The following WDR82 variants were observed in gnomAD, a reference collection of about 807,000 sequenced individuals.
The protein encoded by WDR82 is WD repeat-containing protein 82.
WDR82 carries 8 observed loss-of-function variants against 36.1 expected under a neutral mutation model. That is an observed-to-expected ratio of 0.22 (90% CI 0.13 to 0.40). WDR82 has a LOEUF of 0.40. WDR82 is among the 10% of genes least tolerant of loss of function. The pLI is 1.00. For synonymous variants in WDR82, 129 were observed against 137.8 expected, an observed-to-expected ratio of 0.94 and a Z score of 0.45; for missense variants, 185 against 400.5, an observed-to-expected ratio of 0.46 and a Z score of 4.59.
rs1357969653 is a variant in WDR82 at position 52,255,515 on chromosome 3, C to A, written c.*1975G>T. Reference sequence around the variant, plus strand: ...GTTCTTCCTCTCTGGGAAAGCAGAACTATACAGTGGGTGGCATCCTGCAGA... The same window carrying A: ...GTTCTTCCTCTCTGGGAAAGCAGAAATATACAGTGGGTGGCATCCTGCAGA... On this transcript the variant is annotated 3_prime_UTR_variant, in exon 9 of 9. Transcript: ENST00000296490. 1 of 152,030 alleles carries A rather than the reference C, an allele frequency of 6.6e-6. No individual in the cohort carries two copies. Among genetic ancestry groups the A allele is most frequent in the African/African-American group, 2.4e-5 (1 of 41,360 alleles). The allele number at this position is 152,030 out of a possible 1,614,324, so 9.4% of individuals were successfully genotyped here.
At chr3:52,270,543 A>G (rs1019026317) in intron 2 of WDR82, among the ~76,000 whole-genome samples, 169 bp downstream of exon 2, 1 of 152,242 alleles carries the variant, frequency 6.6e-6, no homozygotes, top group Non-Finnish European at 1.5e-5. Flanking sequence ...AAAAGTGCCA[A>G]TGGCTTGCTT....
intron 7 of WDR82, among the ~76,000 whole-genome samples, chr3:52,258,896 A>T (rs2107330260): frequency 6.6e-6 from 1 of 152,274 alleles, no homozygotes; most frequent in East Asian, 1.9e-4. Context: ...TTCTAACTTC[A>T]GTTTTCTCAT....
At chr3:52,270,665 T>G (rs781193623) in intron 2 of WDR82, 47 bp downstream of exon 2, 1 of 1,452,498 alleles carries the variant, frequency 6.9e-7, no homozygotes, top group Non-Finnish European at 9.5e-7. Flanking sequence ...CATGAACTAT[T>G]TAACAAAGGA....
Position 52,257,114 on chromosome 3 carries a change from T to C in WDR82, c.*376A>G, listed in dbSNP as rs898913163. 4 of 215,448 alleles carry C rather than the reference T, an allele frequency of 1.9e-5. No homozygotes were observed. Among genetic ancestry groups the C allele is most frequent in the Admixed American group, 1.7e-4 (3 of 17,774 alleles). The allele number at this position is 215,448 out of a possible 1,614,324, so 13.3% of individuals were successfully genotyped here. A position where few individuals can be genotyped will look rare whatever the true frequency, so the allele number is the denominator to read the frequency against. ...ACCAGGACTTTGGCTTCCCATGCAG[T>C]TGGAGGGTAGAAGGGATGTGCGGAA... is the stretch of plus-strand genomic sequence containing the variant. On this transcript the variant is annotated 3_prime_UTR_variant, in exon 9 of 9. Transcript: ENST00000296490.
At chr3:52,273,584 A>C (rs1276634724) in intron 1 of WDR82, among the ~76,000 whole-genome samples, 1 of 152,186 alleles carries the variant, frequency 6.6e-6, no homozygotes, top group Non-Finnish European at 1.5e-5. Flanking sequence ...TCCTGATAAC[A>C]GAAATCTACT....
intron 1 of WDR82, among the ~76,000 whole-genome samples, chr3:52,272,360 A>G (rs1248202470): frequency 2.6e-5 from 4 of 152,058 alleles, no homozygotes; most frequent in African/African-American, 9.7e-5. Flanking sequence ...CCTGGCCAAC[A>G]TGGCGAAACG....
In WDR82 at chr3:52,259,887, A is replaced by C. The variant is rs777300940; in HGVS notation, c.544-15T>G. ...GCAAATGGCCCCTGCAAAAGATAAAAAACAGTAGCCCCAGGCATATTAATA... is the reference window on the plus strand; with the variant it reads ...GCAAATGGCCCCTGCAAAAGATAAACAACAGTAGCCCCAGGCATATTAATA... On this transcript the variant is annotated splice_polypyrimidine_tract_variant and intron_variant, in intron 5 of 8. Coordinates refer to ENST00000296490, the MANE Select transcript of WDR82 (RefSeq NM_025222.4). 1.9e-6 allele frequency: 3 copies of C among 1,608,798 alleles called. No individual in the cohort carries two copies. Among genetic ancestry groups the C allele is most frequent in the South Asian group, 2.2e-5 (2 of 90,458 alleles).
chr3:52,257,646 C>A, intron 8 of WDR82, 127 bp from the exon 9 acceptor site: 1 of 974,902 alleles, frequency 1.0e-6, no homozygotes, highest in Non-Finnish European at 1.6e-6. Context: ...CTCTCCTAAC[C>A]AACCAACCCC....
chr3:52,258,317 C>T (rs577850031), intron 8 of WDR82, among the ~76,000 whole-genome samples: 13 of 152,214 alleles, frequency 8.5e-5, no homozygotes, highest in African/African-American at 3.1e-4. Context: ...AAAGATGATT[C>T]CTGATCACCT....
rs1030515521 is a variant in WDR82, at chr3:52,268,203, C to G, written c.260-1185G>C. The G allele has an allele frequency of 7.3e-6, 3 of 413,058 alleles. No homozygotes were observed. In the Admixed American group the frequency reaches 8.5e-5, roughly 12 times the overall value. 25.6% of individuals were successfully genotyped at this position (413,058 alleles called of 1,614,324 possible). ...CCTAAGAAGAAAAAGACTTCCTCCC[C>G]ATTACCTGGTTTCCCAGAGATGAGC... On this transcript the variant is annotated intron_variant, in intron 2 of 8. Coordinates refer to ENST00000296490, the MANE Select transcript of WDR82 (RefSeq NM_025222.4).
chr3:52,268,167 G>A (rs1163016797), intron 2 of WDR82: 1 of 323,268 alleles, frequency 3.1e-6, no homozygotes, highest in African/African-American at 2.2e-5. Flanking sequence ...TGCTAACAAT[G>A]ACTCACCTGC....
At chr3:52,274,794 CG>C (rs1169490576) in intron 1 of WDR82, among the ~76,000 whole-genome samples, 1 of 152,128 alleles carries the variant, frequency 6.6e-6, no homozygotes, top group East Asian at 1.9e-4. Context: ...CCCAGCTACT[CG>C]GGAGGCTGAG....
At chr3:52,278,064 G>A in intron 1 of WDR82, 137 bp downstream of exon 1, 1 of 826,064 alleles carries the variant, frequency 1.2e-6, no homozygotes, top group Non-Finnish European at 1.7e-6. Context: ...CGGCTGCGGG[G>A]TGGAGGCGGC....
At chr3:52,263,774 C>A (rs1239971888) in intron 3 of WDR82, among the ~76,000 whole-genome samples, 1 of 152,174 alleles carries the variant, frequency 6.6e-6, no homozygotes, top group African/African-American at 2.4e-5. Context: ...CAGAGAGAAG[C>A]TGGCCCAAAA....
chr3:52,262,367 T>G (rs1700069306), intron 3 of WDR82, among the ~76,000 whole-genome samples: 1 of 152,200 alleles, frequency 6.6e-6, no homozygotes, highest in Non-Finnish European at 1.5e-5. Flanking sequence ...GAACTGTACA[T>G]TTTTAAAGGA....
intron 1 of WDR82, among the ~76,000 whole-genome samples, chr3:52,276,841 C>A (rs926651041): frequency 6.6e-6 from 1 of 152,120 alleles, no homozygotes; most frequent in African/African-American, 2.4e-5. Context: ...GACCACTCTG[C>A]CACAAACTGC....
rs141105771 is a variant in WDR82 at position 52,276,916 on chromosome 3, G to A, written c.161+1285C>T. On this transcript the variant is annotated intron_variant, in intron 1 of 8. Transcript: ENST00000296490. ...CCCCAGTGGGGAAAAAAACTGGGGG[G>A]ATACCATTATAGCTCAGTCCAAACT... Among the ~76,000 whole-genome samples, 932 of 151,646 alleles carry A rather than the reference G, an allele frequency of 6.1e-3. 5 individuals carry two copies. Among genetic ancestry groups the A allele is most frequent in the Non-Finnish European group, 0.011 (721 of 67,926 alleles).
At position 52,257,523 on chromosome 3, in the gene WDR82, G is replaced by C. The variant is rs754599212; in HGVS notation, c.913-4C>G. ...CAATGGTGGGCAACCAAAAGGCCTAGAAGGAGAACATAAATCAACTTTAAA... is the reference window on the plus strand; with the variant it reads ...CAATGGTGGGCAACCAAAAGGCCTACAAGGAGAACATAAATCAACTTTAAA... On this transcript the variant is annotated splice_region_variant and splice_polypyrimidine_tract_variant and intron_variant, in intron 8 of 8. Coordinates refer to ENST00000296490, the MANE Select transcript of WDR82 (RefSeq NM_025222.4). The C allele has an allele frequency of 2.3e-5, 37 of 1,613,972 alleles. 1 individual carries two copies. The South Asian group carries it at 3.7e-4, about 16-fold the overall frequency.
intron 7 of WDR82, among the ~76,000 whole-genome samples, 160 bp downstream of exon 7, chr3:52,259,037 A>G (rs1019240289): frequency 5.3e-5 from 8 of 152,270 alleles, no homozygotes; most frequent in African/African-American, 1.7e-4. Context: ...ATTTTGGTCC[A>G]GTCAGGGCAG....
Sources: allele counts gnomAD v4.1 joint callset (sites outside exome capture counted in the v4.1 genomes callset), GRCh38; gene constraint gnomAD v4.1.1; transcripts MANE v1.5; gene names NCBI Gene and HGNC (gene_info 2026-07-23, HGNC 2026-07-21).